FCRL5: variants seen among roughly 807,000 people sequenced by gnomAD.
FCRL5 encodes the protein Fc receptor-like protein 5.
A neutral mutation model predicts 92.1 loss-of-function variants in FCRL5; 79 were observed. The observed-to-expected ratio is 0.86, with a 90% CI of 0.72 to 1.03. The LOEUF (loss-of-function observed/expected upper bound fraction) is 1.03, where lower values mean the gene tolerates loss of function less well. FCRL5 is among the 50% of genes least tolerant of loss of function. The pLI is 0.00. For missense variants in FCRL5, 1,160 were observed against 1,181.1 expected (o/e 0.98, Z 0.26); for synonymous variants, 466 against 469.3 (o/e 0.99, Z 0.09).
At chr1:157,547,336 G>A (rs776527963) in intron 2 of FCRL5, 139 bp from the exon 3 acceptor site, 2 of 1,160,660 alleles carry the variant, frequency 1.7e-6, no homozygotes, top group Non-Finnish European at 1.3e-6. Context: ...ATAGCTCAAA[G>A]CTCCCTGTCA....
At chr1:157,548,820 C>T (rs1213804938) in intron 2 of FCRL5, among the ~76,000 whole-genome samples, 2 of 152,208 alleles carry the variant, frequency 1.3e-5, no homozygotes, top group Non-Finnish European at 1.5e-5. Flanking sequence ...AATAGGAACA[C>T]TTTTACACTG....
At chr1:157,538,412 G>C (rs1414165351) in intron 7 of FCRL5, among the ~76,000 whole-genome samples, 6 of 152,184 alleles carry the variant, frequency 3.9e-5, no homozygotes, top group Non-Finnish European at 7.4e-5. Flanking sequence ...AGCCACACAT[G>C]GATGGTTCAA....
intron 2 of FCRL5, among the ~76,000 whole-genome samples, chr1:157,547,654 T>G (rs1382671054): frequency 2.0e-5 from 3 of 152,208 alleles, no homozygotes; most frequent in African/African-American, 7.2e-5. Flanking sequence ...TATCTTCATT[T>G]TGTAGATGAT....
chr1:157,549,517 T>G, intron 2 of FCRL5, 43 bp downstream of exon 2: 1 of 1,589,892 alleles, frequency 6.3e-7, no homozygotes, highest in Non-Finnish European at 8.6e-7. Flanking sequence ...GAAGAGACAC[T>G]CTTAACCAGA....
At position 157,514,244 on chromosome 1, in the gene FCRL5, G is replaced by A. The variant is rs1649829438; in HGVS notation, c.*1431C>T. The A allele has an allele frequency of 6.6e-6, 1 of 152,272 alleles. No homozygotes were observed. Among genetic ancestry groups the A allele is most frequent in the African/African-American group, 2.4e-5 (1 of 41,456 alleles). The allele number at this position is 152,272 out of a possible 1,614,324, so 9.4% of individuals were successfully genotyped here. ...GCAAAGATCAAGATAAGATGTGATG[G>A]ATATCATAAAAGCGGAACAGAACAT... On this transcript the variant is annotated 3_prime_UTR_variant, in exon 17 of 17. Transcript: ENST00000361835.
chr1:157,518,846 C>G, intron 13 of FCRL5, 64 bp from the exon 14 acceptor site: 1 of 1,360,986 alleles, frequency 7.3e-7, no homozygotes, highest in South Asian at 1.4e-5. Flanking sequence ...AATGATCACT[C>G]CTAGTGAGTG....
chr1:157,524,495 G>T lies in FCRL5; in HGVS notation c.2023C>A (p.Leu675Met). ...APRAQAVVGD[L>M]LELHCEALRG... is the part of the protein sequence containing the mutation. Reference sequence around the variant, plus strand: ...AGGGCCTCACAGTGAAGCTCCAGCAGGTCCCCCACCACAGCCTGGGCCCTG... The same window carrying T: ...AGGGCCTCACAGTGAAGCTCCAGCATGTCCCCCACCACAGCCTGGGCCCTG... Residue 675 changes from leucine (L) to methionine (M), a missense_variant, in exon 10 of 17, where the codon CTG becomes ATG. Leu to Met is a conservative substitution (Grantham distance 15). Transcript: ENST00000361835. The T allele has an allele frequency of 1.2e-6, 2 of 1,614,142 alleles. No homozygotes were observed. The highest frequency in any genetic ancestry group is 1.7e-6 in the Non-Finnish European group (2 of 1,179,948).
Position 157,518,758 on chromosome 1 carries a change from T to C in FCRL5, c.2685A>G (p.Gln895=), listed in dbSNP as rs749904490. 1.7e-5 allele frequency: 27 copies of C among 1,613,270 alleles called. No homozygotes were observed. The highest frequency in any genetic ancestry group is 4.4e-5 in the South Asian group (4 of 90,738). The change falls in exon 14 of 17, where the codon CAA becomes CAG. Residue 895 remains glutamine, a synonymous_variant. Transcript: ENST00000361835. Reference sequence around the variant, plus strand: ...CTGGTACATTGTGATAGGTGGGCTCTTGGGAGTCCGAGTCTGAAGGGCTCC... The same window carrying C: ...CTGGTACATTGTGATAGGTGGGCTCCTGGGAGTCCGAGTCTGAAGGGCTCC... ...PARSPSDSDS[Q]EPTYHNVPAW... is the part of the protein sequence containing the mutation.
At chr1:157,537,304 C>T (rs533432650) in intron 7 of FCRL5, among the ~76,000 whole-genome samples, 3 of 152,192 alleles carry the variant, frequency 2.0e-5, no homozygotes, top group Non-Finnish European at 4.4e-5. Context: ...CTGAAATGGC[C>T]GCTTTGGGGA....
At position 157,547,066 on chromosome 1, in the gene FCRL5, G is replaced by C. The variant is rs903739565; in HGVS notation, c.184C>G (p.Leu62Val). ...PQKTKWYHRY[L>V]GKEILRETPD... is the part of the protein sequence containing the mutation. ...GTTTCTCTTAGTATTTCTTTCCCAA[G>C]GTACCGATGGTACCATTTTGTTTTC... is the stretch of plus-strand genomic sequence containing the variant. Residue 62 changes from leucine to valine, a missense_variant, in exon 3 of 17, where the codon CTT (leucine) becomes GTT (valine). By Grantham distance (32) the Leu-to-Val change is conservative. Coordinates refer to ENST00000361835, the MANE Select transcript of FCRL5 (RefSeq NM_031281.3). The C allele has an allele frequency of 1.9e-6, 3 of 1,614,034 alleles. No individual in the cohort carries two copies. The African/African-American group carries it at 4.0e-5, about 22-fold the overall frequency.
At chr1:157,533,506 T>A (rs569289757) in intron 8 of FCRL5, 2 of 152,324 alleles carry the variant, frequency 1.3e-5, no homozygotes, top group South Asian at 2.1e-4. Context: ...ATGATTTTTT[T>A]AAATCCCCTC....
Position 157,513,585 on chromosome 1 carries a change from G to A in FCRL5, c.*2090C>T, listed in dbSNP as rs1649803160. The stretch of plus-strand genomic sequence containing the variant: ...AAAACTTATGTCCCAGCCCAAAGCA[G>A]GAGTTCCCCCTTACTTGAGGAAGAA... On this transcript the variant is annotated 3_prime_UTR_variant, in exon 17 of 17. Transcript: ENST00000361835. The A allele has an allele frequency of 6.6e-6, 1 of 152,210 alleles. No homozygotes were observed. Among genetic ancestry groups the A allele is most frequent in the South Asian group, 2.1e-4 (1 of 4,836 alleles). 9.4% of individuals were successfully genotyped at this position (152,210 alleles called of 1,614,324 possible). A position where few individuals can be genotyped will look rare whatever the true frequency, so the allele number is the denominator to read the frequency against.
chr1:157,550,030 C>T (rs1457465624), intron 1 of FCRL5, among the ~76,000 whole-genome samples: 1 of 151,958 alleles, frequency 6.6e-6, no homozygotes, highest in African/African-American at 2.4e-5. Context: ...GGAGATGATA[C>T]TTCACAAAAC....
Position 157,534,722 on chromosome 1 carries a change from C to T in FCRL5, c.1573G>A (p.Val525Met), listed in dbSNP as rs541854804. ...WSSSTPSVGR[V>M]SFSFSLTEGH... is the part of the protein sequence containing the mutation. ...TCAGTCAGAGAGAAGCTGAAGGACA[C>T]TCTTCCCACAGAGGGTGTTGAGCTG... is the stretch of plus-strand genomic sequence containing the variant. Residue 525 changes from valine to methionine, a missense_variant, in exon 8 of 17, where the codon GTG becomes ATG. By Grantham distance (21) the Val-to-Met change is conservative. Coordinates refer to ENST00000361835, the MANE Select transcript of FCRL5 (RefSeq NM_031281.3). 115 of 1,614,072 alleles carry T rather than the reference C, an allele frequency of 7.1e-5. 1 individual carries two copies. The South Asian group carries it at 8.1e-4, about 11-fold the overall frequency.
At position 157,552,278 on chromosome 1, in the gene FCRL5, A is replaced by C. The variant is rs549454525; in HGVS notation, c.31+54T>G. Reference sequence around the variant, plus strand: ...CAAGAAAGGACCAGGCCTGCGGTGGAGAGAGAAGCTGTCCCGATCCCACCC... The same window carrying C: ...CAAGAAAGGACCAGGCCTGCGGTGGCGAGAGAAGCTGTCCCGATCCCACCC... On this transcript the variant is annotated intron_variant, in intron 1 of 16. Coordinates refer to ENST00000361835, the MANE Select transcript of FCRL5 (RefSeq NM_031281.3). The C allele has an allele frequency of 1.0e-4, 164 of 1,569,860 alleles. No individual in the cohort carries two copies. The South Asian group carries it at 1.7e-3, about 17-fold the overall frequency.
At chr1:157,528,056 A>G in intron 8 of FCRL5, 161 bp from the exon 9 acceptor site, 3 of 774,170 alleles carry the variant, frequency 3.9e-6, no homozygotes, top group Non-Finnish European at 5.8e-6. Context: ...ATGATTGTAT[A>G]CCTAGGAAAC....
chr1:157,538,087 A>T (rs1651058166), intron 7 of FCRL5, among the ~76,000 whole-genome samples: 1 of 152,158 alleles, frequency 6.6e-6, no homozygotes, highest in Non-Finnish European at 1.5e-5. Flanking sequence ...GGGTCATTTA[A>T]TAGGACTTTA....
At chr1:157,547,379 T>A in intron 2 of FCRL5, 182 bp from the exon 3 acceptor site, 1 of 819,482 alleles carries the variant, frequency 1.2e-6, no homozygotes. Flanking sequence ...AAGGGAGAAA[T>A]TGCCCAGGGG....
At chr1:157,532,656 C>T (rs566687571) in intron 8 of FCRL5, 1 of 152,176 alleles carries the variant, frequency 6.6e-6, no homozygotes, top group African/African-American at 2.4e-5. Flanking sequence ...GGTTTCCAAT[C>T]TTGTCTACAC....
Sources: gnomAD v4.1 joint callset for allele counts (sites outside exome capture counted in the v4.1 genomes callset) on GRCh38, gnomAD v4.1.1 for gene constraint, MANE v1.5 for transcripts, NCBI Gene and HGNC (gene_info 2026-07-23, HGNC 2026-07-21) for gene names.